Variants in SPATA13 observed in about 807,000 individuals in gnomAD.
SPATA13 encodes the protein spermatogenesis associated 13.
SPATA13 carries 50 observed loss-of-function variants against 104.0 expected under a neutral mutation model. The observed-to-expected ratio is 0.48, with a 90% CI of 0.38 to 0.61. The LOEUF (loss-of-function observed/expected upper bound fraction) is 0.61, where lower values mean the gene tolerates loss of function less well. SPATA13 is among the 20% of genes least tolerant of loss of function. SPATA13 has a pLI of 0.00. For synonymous variants in SPATA13, 606 were observed against 667.5 expected, an observed-to-expected ratio of 0.91 and a Z score of 1.42; for missense variants, 1,524 against 1,690.6, an observed-to-expected ratio of 0.90 and a Z score of 1.73.
At chr13:24,075,190 A>G (rs1289383936) in intron 3 of SPATA13, among the ~76,000 whole-genome samples, 2 of 152,208 alleles carry the variant, frequency 1.3e-5, no homozygotes, top group Non-Finnish European at 2.9e-5. Flanking sequence ...TTAAATCTGT[A>G]TGTAGCTACT....
intron 4 of SPATA13, chr13:24,252,846 C>T (rs1354951891): frequency 1.3e-5 from 2 of 152,236 alleles, no homozygotes; most frequent in African/African-American, 2.4e-5. Context: ...CAGGCTCACT[C>T]CTGGGAGTGG....
At chr13:24,253,779 G>A (rs558379616) in intron 4 of SPATA13, among the ~76,000 whole-genome samples, 29 of 152,108 alleles carry the variant, frequency 1.9e-4, no homozygotes, top group African/African-American at 6.3e-4. Flanking sequence ...AGTCCTAGCC[G>A]AAGGAGCACC....
At chr13:24,026,144 C>T (rs77490749) in intron 3 of SPATA13, among the ~76,000 whole-genome samples, 1,861 of 152,258 alleles carry the variant, frequency 0.012, 26 homozygotes, top group Non-Finnish European at 0.02. Flanking sequence ...CAAATATATT[C>T]CCCTCAAAGT....
At chr13:24,009,107 C>T (rs1876357773) in intron 2 of SPATA13, among the ~76,000 whole-genome samples, 1 of 152,128 alleles carries the variant, frequency 6.6e-6, no homozygotes, top group Non-Finnish European at 1.5e-5. Flanking sequence ...GCTGAGGGTG[C>T]CCTGAAAACC....
chr13:24,271,905 T>A (rs1318625431), intron 4 of SPATA13, among the ~76,000 whole-genome samples: 1 of 152,162 alleles, frequency 6.6e-6, no homozygotes. Flanking sequence ...ACGGCTTCTG[T>A]GTCTGGTGGA....
intron 2 of SPATA13, among the ~76,000 whole-genome samples, chr13:24,001,501 A>T (rs563233733): frequency 6.6e-6 from 1 of 151,340 alleles, no homozygotes; most frequent in Admixed American, 6.6e-5. Context: ...TGGAGAGGGG[A>T]GAATGAGCTG....
rs1329744117 is a variant in SPATA13, at chr13:24,038,356, T to C, written c.-112+20655T>C. 8.3e-5 allele frequency among the ~76,000 whole-genome samples: 10 copies of C among 121,158 alleles called. No individual in the cohort carries two copies. The South Asian group carries it at 1.4e-3, about 17-fold the overall frequency. The allele number at this position is 121,158 out of a possible 152,430, so 79.5% of individuals were successfully genotyped here. A position where few individuals can be genotyped will look rare whatever the true frequency, so the allele number is the denominator to read the frequency against. On this transcript the variant is annotated intron_variant, in intron 3 of 14. Coordinates refer to the SPATA13 transcript ENST00000424834. ...TGTGCCAGGGGGCTTTAGTTCCCTC[T>C]GTTCTATGTTTACATTGGAGTCCCA...
intron 4 of SPATA13, among the ~76,000 whole-genome samples, chr13:24,272,048 G>GTCT (rs1874649217): frequency 6.6e-6 from 1 of 152,250 alleles, no homozygotes; most frequent in African/African-American, 2.4e-5. Context: ...ATGCTAGCGA[G>GTCT]ACGGCACTGG....
intron 3 of SPATA13, among the ~76,000 whole-genome samples, chr13:24,044,356 C>T (rs1878054654): frequency 6.6e-6 from 1 of 151,904 alleles, no homozygotes; most frequent in African/African-American, 2.4e-5. Context: ...CCTCAGCCTC[C>T]CAAGTAGCTG....
chr13:24,175,299 G>T (rs1409568537), intron 1 of SPATA13, among the ~76,000 whole-genome samples: 1 of 152,104 alleles, frequency 6.6e-6, no homozygotes, highest in African/African-American at 2.4e-5. Context: ...AAAGGAAAGT[G>T]AAGTTTGGAT....
chr13:24,301,226 T>C (rs1877166028), intron 12 of SPATA13, among the ~76,000 whole-genome samples: 1 of 152,208 alleles, frequency 6.6e-6, no homozygotes. Context: ...AAAAGGCATT[T>C]ACCCCATGAA....
At chr13:23,990,181 C>T (rs7326876) in intron 2 of SPATA13, among the ~76,000 whole-genome samples, 22,142 of 152,162 alleles carry the variant, frequency 0.15, 2,033 homozygotes, top group Admixed American at 0.26. Context: ...TCAGCCACCT[C>T]CAGCTGTGTT....
At chr13:24,093,173 G>C (rs1273507978) in intron 3 of SPATA13, among the ~76,000 whole-genome samples, 1 of 152,232 alleles carries the variant, frequency 6.6e-6, no homozygotes, top group East Asian at 1.9e-4. Context: ...AGGTCAGGCT[G>C]CCTGAGAGAC....
rs150569838 is a variant in SPATA13 at position 24,260,203 on chromosome 13, C to T, written c.2164+8341C>T. On this transcript the variant is annotated intron_variant, in intron 4 of 12. Coordinates refer to ENST00000382108, the MANE Select transcript of SPATA13 (RefSeq NM_001166271.3). ...CAAGCCCTCATGGAGGAAATGACCT[C>T]AAATGAGGCTTTAGGGATGAAGGGA... is the stretch of plus-strand genomic sequence containing the variant. Among the ~76,000 whole-genome samples, 928 of 152,252 alleles carry T rather than the reference C, an allele frequency of 6.1e-3. 14 individuals carry two copies. Among genetic ancestry groups the T allele is most frequent in the Admixed American group, 0.03 (456 of 15,282 alleles).
chr13:24,119,583 T>C (rs1880967053), intron 3 of SPATA13, among the ~76,000 whole-genome samples: 1 of 152,196 alleles, frequency 6.6e-6, no homozygotes, highest in African/African-American at 2.4e-5. Flanking sequence ...CTCTGCATGG[T>C]GTCCACAGCT....
chr13:24,255,412 G>A (rs990843912), intron 4 of SPATA13, among the ~76,000 whole-genome samples: 1 of 152,032 alleles, frequency 6.6e-6, no homozygotes, highest in Non-Finnish European at 1.5e-5. Flanking sequence ...ACAATGTTGT[G>A]GTACCTTTGT....
chr13:24,227,196 C>T (rs1871992813), intron 2 of SPATA13, among the ~76,000 whole-genome samples: 1 of 152,102 alleles, frequency 6.6e-6, no homozygotes, highest in Non-Finnish European at 1.5e-5. Context: ...GTAACCTCCC[C>T]TCCCTAAAAA....
At chr13:24,044,994 C>T (rs1306188471) in intron 3 of SPATA13, among the ~76,000 whole-genome samples, 1 of 152,094 alleles carries the variant, frequency 6.6e-6, no homozygotes. Context: ...TCAAACCCTC[C>T]CTTTCTTCCT....
intron 3 of SPATA13, among the ~76,000 whole-genome samples, chr13:24,039,181 A>G (rs1226836966): frequency 6.6e-6 from 1 of 152,240 alleles, no homozygotes; most frequent in African/African-American, 2.4e-5. Flanking sequence ...TTCATGGTGT[A>G]TGATGTCACC....
Sources: gnomAD v4.1 joint callset for allele counts (sites outside exome capture counted in the v4.1 genomes callset) on GRCh38, gnomAD v4.1.1 for gene constraint, MANE v1.5 for transcripts, NCBI Gene and HGNC (gene_info 2026-07-23, HGNC 2026-07-21) for gene names.